Variants in PPP3CA observed in about 807,000 individuals in gnomAD.
The protein encoded by PPP3CA is CAM-PRP catalytic subunit.
Under a neutral mutation model 66.5 loss-of-function variants are expected in PPP3CA, and 14 were observed. The ratio of observed to expected loss-of-function variants is 0.21; its 90% CI spans 0.14 to 0.33. PPP3CA has a LOEUF of 0.33. Ranked by LOEUF, PPP3CA falls within the 10% of genes least tolerant of loss-of-function variation. The pLI is 1.00. For missense variants in PPP3CA, 317 were observed against 639.5 expected (o/e 0.50, Z 5.44); for synonymous variants, 232 against 226.2 (o/e 1.03, Z -0.23).
chr4:101,200,279 T>A (rs564576847), intron 1 of PPP3CA, among the ~76,000 whole-genome samples: 1 of 152,180 alleles, frequency 6.6e-6, no homozygotes. Context: ...TTTAAAATAC[T>A]GTATCAAGCC....
intron 2 of PPP3CA, among the ~76,000 whole-genome samples, chr4:101,166,355 TTCC>T (rs1723694244): frequency 6.6e-6 from 1 of 152,136 alleles, no homozygotes; most frequent in Non-Finnish European, 1.5e-5. Flanking sequence ...CAACGCACCG[TTCC>T]TCCAACCCAA....
At chr4:101,332,668 T>C (rs960540757) in intron 1 of PPP3CA, among the ~76,000 whole-genome samples, 15 of 152,248 alleles carry the variant, frequency 9.9e-5, no homozygotes, top group Admixed American at 5.9e-4. Flanking sequence ...TTGGGAACAC[T>C]TTCTGTGCAG....
chr4:101,270,081 A>T (rs1382607138), intron 1 of PPP3CA, among the ~76,000 whole-genome samples: 3 of 152,180 alleles, frequency 2.0e-5, no homozygotes, highest in African/African-American at 7.2e-5. Context: ...TTCACTGCAA[A>T]CAAGATCTTT....
At chr4:101,026,085 A>G in intron 13 of PPP3CA, 24 bp from the exon 14 acceptor site, 1 of 1,560,928 alleles carries the variant, frequency 6.4e-7, no homozygotes, top group African/African-American at 1.4e-5. Context: ...CATTAAAAAA[A>G]GAAAACCAGG....
chr4:101,329,990 T>C (rs77263774), intron 1 of PPP3CA, among the ~76,000 whole-genome samples: 15,765 of 152,112 alleles, frequency 0.1, 2,782 homozygotes, highest in African/African-American at 0.36. Context: ...ACTTTCAAAT[T>C]GTACTATTTA....
At position 101,092,543 on chromosome 4, in the gene PPP3CA, C is replaced by T. The variant is rs577225794; in HGVS notation, c.782+1233G>A. ...TGGCGGTTTGTTGCACCCATCAACC[C>T]GTCATCTACATTAGATATTTATACT... On this transcript the variant is annotated intron_variant, in intron 6 of 13. Coordinates refer to ENST00000394854, the MANE Select transcript of PPP3CA (RefSeq NM_000944.5). Among the ~76,000 whole-genome samples the T allele has an allele frequency of 3.9e-3, 593 of 151,722 alleles. 3 individuals are homozygous for T. Among genetic ancestry groups the T allele is most frequent in the Non-Finnish European group, 6.0e-3 (409 of 67,942 alleles).
At chr4:101,290,801 C>T (rs1727999439) in intron 1 of PPP3CA, among the ~76,000 whole-genome samples, 2 of 152,172 alleles carry the variant, frequency 1.3e-5, no homozygotes, top group South Asian at 2.1e-4. Flanking sequence ...AACAACAGGG[C>T]TTGGAGGCAA....
intron 2 of PPP3CA, among the ~76,000 whole-genome samples, chr4:101,131,237 AAAAT>A (rs140632196): frequency 0.14 from 19,186 of 138,462 alleles, 2,133 homozygotes; most frequent in African/African-American, 0.28. Context: ...ACTCCGTCTC[AAAAT>A]AAATAAATAA....
At chr4:101,240,133 T>G (rs1340654277) in intron 1 of PPP3CA, among the ~76,000 whole-genome samples, 1 of 151,908 alleles carries the variant, frequency 6.6e-6, no homozygotes, top group Admixed American at 6.6e-5. Flanking sequence ...TGCACATACT[T>G]AGGTTCAGAA....
At chr4:101,290,030 A>G (rs1305493592) in intron 1 of PPP3CA, among the ~76,000 whole-genome samples, 1 of 152,146 alleles carries the variant, frequency 6.6e-6, no homozygotes, top group East Asian at 1.9e-4. Context: ...TGCCACCCAC[A>G]TGCATGTAAT....
At position 101,280,967 on chromosome 4, in the gene PPP3CA, G is replaced by GA. The variant is rs1231805902; in HGVS notation, c.58+65771dup. 5.0e-3 allele frequency among the ~76,000 whole-genome samples: 760 copies of GA among 150,918 alleles called. 4 individuals carry two copies. Among genetic ancestry groups the GA allele is most frequent in the African/African-American group, 0.016 (645 of 41,124 alleles). On this transcript the variant is annotated intron_variant, in intron 1 of 13. Transcript: ENST00000394854. ...GACTGGAGAAACAAAGAAGAAATAG[G>GA]AAAAAAAAATGACTGAGAGAGAACA... is the stretch of plus-strand genomic sequence containing the variant.
At chr4:101,067,434 C>T (rs1560585627) in intron 8 of PPP3CA, among the ~76,000 whole-genome samples, 1 of 151,742 alleles carries the variant, frequency 6.6e-6, no homozygotes, top group Non-Finnish European at 1.5e-5. Flanking sequence ...GAATCTCTAT[C>T]TTAATCCACT....
intron 11 of PPP3CA, among the ~76,000 whole-genome samples, chr4:101,037,425 T>G (rs1358429900): frequency 6.6e-6 from 1 of 152,186 alleles, no homozygotes; most frequent in African/African-American, 2.4e-5. Flanking sequence ...GTAAGAAACA[T>G]GTTGGGCAAG....
chr4:101,248,241 G>A (rs1726553447), intron 1 of PPP3CA, among the ~76,000 whole-genome samples: 1 of 152,170 alleles, frequency 6.6e-6, no homozygotes. Context: ...CCTGACAGCA[G>A]TATGATGTAA....
rs144766537 is a variant in PPP3CA at position 101,310,747 on chromosome 4, T to A, written c.58+35992A>T. Among the ~76,000 whole-genome samples the A allele has an allele frequency of 9.2e-4, 140 of 152,294 alleles. 2 individuals carry two copies. The East Asian group carries it at 0.025, about 27-fold the overall frequency. The stretch of plus-strand genomic sequence containing the variant: ...AGTGAAACTACTGAAATCCAAAAAA[T>A]TTCTTGAGAATAAAATACACAACAA... On this transcript the variant is annotated intron_variant, in intron 1 of 13. Coordinates refer to ENST00000394854, the MANE Select transcript of PPP3CA (RefSeq NM_000944.5).
At chr4:101,044,165 G>C (rs1395349505) in intron 10 of PPP3CA, among the ~76,000 whole-genome samples, 6 of 152,166 alleles carry the variant, frequency 3.9e-5, no homozygotes, top group African/African-American at 9.7e-5. Flanking sequence ...AACAGCAGGA[G>C]AGAATTAAGT....
intron 8 of PPP3CA, among the ~76,000 whole-genome samples, chr4:101,078,071 A>C (rs1196665818): frequency 2.0e-5 from 3 of 152,296 alleles, no homozygotes; most frequent in African/African-American, 7.2e-5. Context: ...CATGCTATTT[A>C]GTAATCAGTC....
At chr4:101,204,925 A>G (rs960519550) in intron 1 of PPP3CA, among the ~76,000 whole-genome samples, 2 of 150,370 alleles carry the variant, frequency 1.3e-5, no homozygotes, top group Non-Finnish European at 3.0e-5. Context: ...TCAAAAATAT[A>G]TATATATTCA....
At chr4:101,222,340 A>G (rs1725652812) in intron 1 of PPP3CA, among the ~76,000 whole-genome samples, 1 of 151,614 alleles carries the variant, frequency 6.6e-6, no homozygotes, top group Non-Finnish European at 1.5e-5. Flanking sequence ...AGAATCAGAT[A>G]TCTCAGTTTG....
Sources: gnomAD v4.1 joint callset for allele counts (sites outside exome capture counted in the v4.1 genomes callset) on GRCh38, gnomAD v4.1.1 for gene constraint, MANE v1.5 for transcripts, NCBI Gene and HGNC (gene_info 2026-07-23, HGNC 2026-07-21) for gene names.